The following MAP3K1 variants were observed in gnomAD, a reference collection of about 807,000 sequenced individuals.
MAP3K1 encodes MAP/ERK kinase kinase 1.
A neutral mutation model predicts 144.2 loss-of-function variants in MAP3K1; 36 were observed. The ratio of observed to expected loss-of-function variants is 0.25; its 90% CI spans 0.19 to 0.33. MAP3K1 has a LOEUF of 0.33. Among genes scored for constraint, MAP3K1 ranks in the 10% least tolerant of loss-of-function variants. MAP3K1 has a pLI of 1.00. For missense variants in MAP3K1, 1,650 were observed against 1,881.9 expected, an observed-to-expected ratio of 0.88 and a Z score of 2.28; for synonymous variants, 718 against 688.7, an observed-to-expected ratio of 1.04 and a Z score of -0.67.
intron 1 of MAP3K1, among the ~76,000 whole-genome samples, chr5:56,821,438 G>C (rs555488376): frequency 6.6e-6 from 1 of 152,368 alleles, no homozygotes; most frequent in African/African-American, 2.4e-5. Context: ...CAGTACTGTA[G>C]TTAGTACGTT....
Position 56,887,532 on chromosome 5 carries a change from C to CT in MAP3K1, c.4257+15dup, listed in dbSNP as rs1748413808. 1.2e-6 allele frequency: 2 copies of CT among 1,613,852 alleles called. No individual in the cohort carries two copies. Among genetic ancestry groups the CT allele is most frequent in the East Asian group, 4.5e-5 (2 of 44,874 alleles). The stretch of plus-strand genomic sequence containing the variant: ...TTATGGCACCTGAGGTGAGAAGCAT[C>CT]TTTGAGTGTGATGACAGAAAATATT... On this transcript the variant is annotated intron_variant, in intron 18 of 19. Transcript: ENST00000399503.
At chr5:56,876,877 T>G (rs1387348570) in intron 10 of MAP3K1, among the ~76,000 whole-genome samples, 1 of 152,194 alleles carries the variant, frequency 6.6e-6, no homozygotes, top group Non-Finnish European at 1.5e-5. Flanking sequence ...TTAGAAACCT[T>G]TAGAGGTTTC....
intron 1 of MAP3K1, among the ~76,000 whole-genome samples, chr5:56,833,797 T>C (rs908441975): frequency 1.1e-4 from 16 of 152,174 alleles, no homozygotes; most frequent in Middle Eastern, 6.3e-3. Flanking sequence ...GTAAAGATGA[T>C]ATCTAAGGCC....
intron 1 of MAP3K1, among the ~76,000 whole-genome samples, chr5:56,827,870 A>G (rs1013087803): frequency 6.6e-6 from 1 of 151,934 alleles, no homozygotes; most frequent in African/African-American, 2.4e-5. Context: ...ATCTCAAAAA[A>G]AAAAAAGAAC....
chr5:56,818,470 G>T (rs1746051121), intron 1 of MAP3K1, among the ~76,000 whole-genome samples: 2 of 151,926 alleles, frequency 1.3e-5, no homozygotes, highest in African/African-American at 4.8e-5. Context: ...ATTTCCTTCT[G>T]ATCTTTGAAT....
At position 56,895,818 on chromosome 5, in the gene MAP3K1, T is replaced by C. The variant is rs1281813191; in HGVS notation, c.*2138T>C. On this transcript the variant is annotated 3_prime_UTR_variant, in exon 20 of 20. Transcript: ENST00000399503. The stretch of plus-strand genomic sequence containing the variant: ...GTTGTAAATAACGTCTACTACTGTT[T>C]ATTCCAGTTTCTACTACCTCAGGTG... The C allele has an allele frequency of 8.6e-6, 2 of 231,730 alleles. No individual in the cohort carries two copies. Among genetic ancestry groups the C allele is most frequent in the Non-Finnish European group, 1.7e-5 (2 of 117,238 alleles). 14.4% of individuals were successfully genotyped at this position (231,730 alleles called of 1,614,324 possible). A position where few individuals can be genotyped will look rare whatever the true frequency, so the allele number is the denominator to read the frequency against.
chr5:56,824,289 A>G lies in MAP3K1; in HGVS notation c.482+8234A>G, dbSNP rs560483593. Reference sequence around the variant, plus strand: ...TCTAAGCAGCCAAAGGACCTGTAACAAAATATGTGCTTTGAAGCACTTTGA... The same window carrying G: ...TCTAAGCAGCCAAAGGACCTGTAACGAAATATGTGCTTTGAAGCACTTTGA... On this transcript the variant is annotated intron_variant, in intron 1 of 19. Transcript: ENST00000399503. Among the ~76,000 whole-genome samples the G allele has an allele frequency of 5.2e-5, 8 of 152,384 alleles. 1 individual carries two copies. The South Asian group carries it at 1.7e-3, about 32-fold the overall frequency.
intron 1 of MAP3K1, among the ~76,000 whole-genome samples, chr5:56,818,273 C>G (rs924475556): frequency 4.0e-5 from 6 of 151,826 alleles, no homozygotes; most frequent in Admixed American, 1.3e-4. Context: ...GTTGGTTATG[C>G]TACACTATTA....
chr5:56,851,527 T>C (rs1421823187), intron 1 of MAP3K1, among the ~76,000 whole-genome samples: 1 of 152,240 alleles, frequency 6.6e-6, no homozygotes, highest in African/African-American at 2.4e-5. Flanking sequence ...TTGACTTTTG[T>C]TGCTTCTGCA....
intron 19 of MAP3K1, 32 bp downstream of exon 19, chr5:56,888,389 C>G: frequency 6.2e-7 from 1 of 1,610,160 alleles, no homozygotes; most frequent in Non-Finnish European, 8.5e-7. Context: ...CTTCTTTGTG[C>G]TAAAAGGAGT....
At chr5:56,883,730 G>A (rs768335533) in intron 15 of MAP3K1, 51 bp downstream of exon 15, 5 of 1,578,530 alleles carry the variant, frequency 3.2e-6, no homozygotes, top group Middle Eastern at 3.3e-4. Flanking sequence ...ACAAAATGAA[G>A]CATGTTCAGT....
intron 9 of MAP3K1, among the ~76,000 whole-genome samples, chr5:56,873,537 G>A (rs1305858714): frequency 6.6e-6 from 1 of 152,082 alleles, no homozygotes; most frequent in Non-Finnish European, 1.5e-5. Flanking sequence ...CTGATTGAAT[G>A]TTTTTTCATC....
At chr5:56,874,748 G>A (rs2111919416) in intron 9 of MAP3K1, among the ~76,000 whole-genome samples, 1 of 152,134 alleles carries the variant, frequency 6.6e-6, no homozygotes, top group South Asian at 2.1e-4. Flanking sequence ...GACAGTAGAG[G>A]CATAGAATGT....
intron 1 of MAP3K1, among the ~76,000 whole-genome samples, chr5:56,844,040 C>G (rs967337327): frequency 1.7e-4 from 26 of 152,078 alleles, no homozygotes; most frequent in Non-Finnish European, 7.4e-5. Context: ...TCTTTTTCCC[C>G]TTGGAGATTA....
At chr5:56,872,518 AC>A (rs1244293154) in intron 7 of MAP3K1, 122 bp from the exon 8 acceptor site, 1 of 684,342 alleles carries the variant, frequency 1.5e-6, no homozygotes, top group African/African-American at 1.8e-5. Context: ...TTTCAGATAA[AC>A]ATTTAATTAG....
rs142921531 is a variant in MAP3K1, at chr5:56,822,013, C to T, written c.482+5958C>T. 7.4e-3 allele frequency among the ~76,000 whole-genome samples: 1,120 copies of T among 151,886 alleles called. 23 individuals are homozygous for T. Among genetic ancestry groups the T allele is most frequent in the African/African-American group, 0.025 (1,021 of 41,402 alleles). On this transcript the variant is annotated intron_variant, in intron 1 of 19. Transcript: ENST00000399503. The stretch of plus-strand genomic sequence containing the variant: ...TCTTTTTTTAGGAGTTTTTGTATAT[C>T]GTTTGGTATTTATTTATTTATTTTT...
At chr5:56,816,647 C>T (rs959277179) in intron 1 of MAP3K1, among the ~76,000 whole-genome samples, 3 of 152,050 alleles carry the variant, frequency 2.0e-5, no homozygotes, top group African/African-American at 7.2e-5. Flanking sequence ...TGGGCCCGGA[C>T]GCAGGCGGCG....
chr5:56,854,495 T>C (rs958065162), intron 1 of MAP3K1, among the ~76,000 whole-genome samples: 12 of 129,298 alleles, frequency 9.3e-5, no homozygotes, highest in Non-Finnish European at 8.6e-5. Context: ...TAAACATAAA[T>C]AAGGTAAAAC....
At chr5:56,883,873 G>A (rs539158695) in intron 15 of MAP3K1, among the ~76,000 whole-genome samples, 194 bp downstream of exon 15, 42 of 152,274 alleles carry the variant, frequency 2.8e-4, no homozygotes, top group African/African-American at 7.5e-4. Flanking sequence ...TTGAGGCCAC[G>A]CGTGGTGGCT....
Sources: allele counts gnomAD v4.1 joint callset (sites outside exome capture counted in the v4.1 genomes callset), GRCh38; gene constraint gnomAD v4.1.1; transcripts MANE v1.5; gene names NCBI Gene and HGNC (gene_info 2026-07-23, HGNC 2026-07-21).